PRDM6: variants seen among roughly 807,000 people sequenced by gnomAD.
PRDM6 encodes the protein PR/SET domain 6.
Under a neutral mutation model 60.8 loss-of-function variants are expected in PRDM6, and 25 were observed. The observed-to-expected ratio is 0.41, with a 90% CI of 0.30 to 0.57. The LOEUF (loss-of-function observed/expected upper bound fraction) is 0.57. PRDM6 is among the 20% of genes least tolerant of loss of function. PRDM6 has a pLI of 0.27. For missense variants in PRDM6, 839 were observed against 821.3 expected (o/e 1.02, Z -0.26); for synonymous variants, 407 against 357.4 (o/e 1.14, Z -1.57).
At chr5:123,157,305 A>G (rs1408360384) in intron 4 of PRDM6, among the ~76,000 whole-genome samples, 1 of 152,160 alleles carries the variant, frequency 6.6e-6, no homozygotes, top group Non-Finnish European at 1.5e-5. Context: ...CACCTTTATT[A>G]CAGCTGCATT....
rs149224667 is a variant in PRDM6, at chr5:123,103,140, C to T, written c.900+3179C>T. 8.0e-3 allele frequency among the ~76,000 whole-genome samples: 1,220 copies of T among 152,058 alleles called. 27 individuals carry two copies. Among genetic ancestry groups the T allele is most frequent in the African/African-American group, 0.028 (1,163 of 41,526 alleles). On this transcript the variant is annotated intron_variant, in intron 3 of 7. Transcript: ENST00000407847. Reference sequence around the variant, plus strand: ...ATTTAAAGGAAGTTAAATATCATTTCATTATATTCAGTACATTTTGACTCT... The same window carrying T: ...ATTTAAAGGAAGTTAAATATCATTTTATTATATTCAGTACATTTTGACTCT...
intron 3 of PRDM6, among the ~76,000 whole-genome samples, chr5:123,105,420 TTA>T (rs1376896117): frequency 2.6e-5 from 4 of 152,244 alleles, no homozygotes; most frequent in African/African-American, 9.6e-5. Flanking sequence ...GGGAATCTTC[TTA>T]TTTCACTGTG....
At position 123,111,767 on chromosome 5, in the gene PRDM6, C is replaced by A. The variant is rs1386234638; in HGVS notation, c.900+11806C>A. 4.6e-5 allele frequency among the ~76,000 whole-genome samples: 7 copies of A among 151,930 alleles called. No homozygotes were observed. The East Asian group carries it at 1.4e-3, about 29-fold the overall frequency. On this transcript the variant is annotated intron_variant, in intron 3 of 7. Coordinates refer to ENST00000407847, the MANE Select transcript of PRDM6 (RefSeq NM_001136239.4). ...CTTCCTTGCCCCTTGTGGTTGTTTGCCCCGCTTCCTGCCTCTTCCCTTGTC... is the reference window on the plus strand; with the variant it reads ...CTTCCTTGCCCCTTGTGGTTGTTTGACCCGCTTCCTGCCTCTTCCCTTGTC...
chr5:123,168,678 A>G (rs2126882434), intron 5 of PRDM6, among the ~76,000 whole-genome samples: 1 of 152,340 alleles, frequency 6.6e-6, no homozygotes, highest in Middle Eastern at 3.4e-3. Flanking sequence ...ACCCAAGGTT[A>G]AGAACTGCCA....
chr5:123,098,732 C>CT (rs1052056886), intron 2 of PRDM6, among the ~76,000 whole-genome samples: 37 of 152,368 alleles, frequency 2.4e-4, no homozygotes, highest in African/African-American at 8.9e-4. Flanking sequence ...GGTGCCTTCT[C>CT]TAACAATTAG....
At chr5:123,106,268 G>C (rs1251658778) in intron 3 of PRDM6, among the ~76,000 whole-genome samples, 1 of 152,138 alleles carries the variant, frequency 6.6e-6, no homozygotes, top group Non-Finnish European at 1.5e-5. Flanking sequence ...GTGCAGCCTG[G>C]GTTTCCAGGT....
intron 3 of PRDM6, among the ~76,000 whole-genome samples, chr5:123,118,144 C>G (rs940690899): frequency 6.6e-6 from 1 of 152,180 alleles, no homozygotes; most frequent in African/African-American, 2.4e-5. Context: ...TGAGTCAACT[C>G]AAGCCTCCTC....
At chr5:123,142,365 G>A (rs1235975383) in intron 3 of PRDM6, among the ~76,000 whole-genome samples, 1 of 152,190 alleles carries the variant, frequency 6.6e-6, no homozygotes, top group African/African-American at 2.4e-5. Flanking sequence ...AGTTAATACT[G>A]CCAGAGTAAG....
At chr5:123,163,422 G>A (rs945391329) in intron 5 of PRDM6, among the ~76,000 whole-genome samples, 4 of 152,120 alleles carry the variant, frequency 2.6e-5, no homozygotes, top group African/African-American at 9.7e-5. Context: ...CTCCGCTGGC[G>A]GCCCCAAAGC....
At chr5:123,152,987 T>C (rs1765403206) in intron 3 of PRDM6, among the ~76,000 whole-genome samples, 1 of 152,290 alleles carries the variant, frequency 6.6e-6, no homozygotes, top group East Asian at 1.9e-4. Flanking sequence ...TAGGTCTCCC[T>C]TTTTCTTATA....
At chr5:123,178,820 T>C (rs1161652923) in intron 6 of PRDM6, among the ~76,000 whole-genome samples, 2 of 152,172 alleles carry the variant, frequency 1.3e-5, no homozygotes, top group African/African-American at 4.8e-5. Flanking sequence ...TTGCACTTAA[T>C]TGAATTGTTG....
rs146575393 is a variant in PRDM6 at position 123,120,932 on chromosome 5, G to C, written c.900+20971G>C. On this transcript the variant is annotated intron_variant, in intron 3 of 7. Coordinates refer to ENST00000407847, the MANE Select transcript of PRDM6 (RefSeq NM_001136239.4). ...CTCTTACAGAGTTATTGGCAGAAAT[G>C]AATAAGGTAATAAATGATAAATAGT... is the stretch of plus-strand genomic sequence containing the variant. Among the ~76,000 whole-genome samples, 485 of 152,300 alleles carry C rather than the reference G, an allele frequency of 3.2e-3. 2 individuals carry two copies. Among genetic ancestry groups the C allele is most frequent in the Admixed American group, 3.3e-3 (50 of 15,302 alleles).
At chr5:123,148,537 G>A (rs916900892) in intron 3 of PRDM6, among the ~76,000 whole-genome samples, 4 of 151,534 alleles carry the variant, frequency 2.6e-5, no homozygotes, top group African/African-American at 7.2e-5. Context: ...CACACTAGTC[G>A]GTGTTTAATG....
At chr5:123,107,515 A>AT (rs1404704225) in intron 3 of PRDM6, among the ~76,000 whole-genome samples, 2 of 152,244 alleles carry the variant, frequency 1.3e-5, no homozygotes, top group African/African-American at 4.8e-5. Flanking sequence ...ATGCCACATG[A>AT]ATCTGCAGGG....
chr5:123,190,299 G>A lies in PRDM6; in HGVS notation c.*3098G>A, dbSNP rs937263886. ...GAAAAGTCAGGGTGCAATAGGATGAGAGATGGAGCTGCAGACCTTTGCATT... is the reference window on the plus strand; with the variant it reads ...GAAAAGTCAGGGTGCAATAGGATGAAAGATGGAGCTGCAGACCTTTGCATT... On this transcript the variant is annotated 3_prime_UTR_variant, in exon 8 of 8. Transcript: ENST00000407847. The A allele has an allele frequency of 6.6e-6, 1 of 152,198 alleles. No individual in the cohort carries two copies. The highest frequency in any genetic ancestry group is 1.5e-5 in the Non-Finnish European group (1 of 68,030). 9.4% of individuals were successfully genotyped at this position (152,198 alleles called of 1,614,324 possible). A position where few individuals can be genotyped will look rare whatever the true frequency, so the allele number is the denominator to read the frequency against.
intron 3 of PRDM6, among the ~76,000 whole-genome samples, chr5:123,118,978 C>G (rs545766535): frequency 5.3e-5 from 8 of 152,082 alleles, no homozygotes; most frequent in Non-Finnish European, 1.0e-4. Context: ...CATCCTTCCA[C>G]AAATGGCACT....
At chr5:123,103,609 A>G (rs1764148092) in intron 3 of PRDM6, among the ~76,000 whole-genome samples, 1 of 152,006 alleles carries the variant, frequency 6.6e-6, no homozygotes, top group Admixed American at 6.6e-5. Flanking sequence ...ATTTATGAAA[A>G]CATTATCTCA....
At chr5:123,125,767 T>A (rs1764680654) in intron 3 of PRDM6, among the ~76,000 whole-genome samples, 1 of 152,184 alleles carries the variant, frequency 6.6e-6, no homozygotes, top group Non-Finnish European at 1.5e-5. Flanking sequence ...TATTTTTGGT[T>A]CTAAATATCT....
At chr5:123,169,042 C>T (rs139024255) in intron 5 of PRDM6, among the ~76,000 whole-genome samples, 120 of 152,350 alleles carry the variant, frequency 7.9e-4, no homozygotes, top group South Asian at 1.7e-3. Context: ...TTTCCTGCCA[C>T]GCGGCCTTGA....
Sources: gnomAD v4.1 joint callset for allele counts (sites outside exome capture counted in the v4.1 genomes callset) on GRCh38, gnomAD v4.1.1 for gene constraint, MANE v1.5 for transcripts, NCBI Gene and HGNC (gene_info 2026-07-23, HGNC 2026-07-21) for gene names.